Variants in ASTN2 observed in about 807,000 individuals in gnomAD.
ASTN2 encodes the protein astrotactin-2.
In ASTN2, 54 loss-of-function variants were observed where a neutral mutation model predicts 139.8. That is an observed-to-expected ratio of 0.39 (90% CI 0.31 to 0.48). The LOEUF (loss-of-function observed/expected upper bound fraction) is 0.48. Ranked by LOEUF, ASTN2 falls within the 20% of genes least tolerant of loss-of-function variation. The pLI, the probability that ASTN2 is intolerant of heterozygous loss-of-function variation, is 0.95. For missense variants in ASTN2, 1,565 were observed against 1,725.1 expected, an observed-to-expected ratio of 0.91 and a Z score of 1.64; for synonymous variants, 756 against 719.5, an observed-to-expected ratio of 1.05 and a Z score of -0.81.
chr9:117,133,531 T>C (rs1829872907), intron 4 of ASTN2, among the ~76,000 whole-genome samples: 1 of 152,182 alleles, frequency 6.6e-6, no homozygotes, highest in Non-Finnish European at 1.5e-5. Flanking sequence ...TAATTGTCCA[T>C]TAATTCATCA....
At chr9:116,883,811 T>C (rs912932365) in intron 10 of ASTN2, among the ~76,000 whole-genome samples, 5 of 152,204 alleles carry the variant, frequency 3.3e-5, no homozygotes, top group Non-Finnish European at 7.3e-5. Flanking sequence ...ATGGCATAAA[T>C]AGAACTACCA....
intron 10 of ASTN2, among the ~76,000 whole-genome samples, chr9:116,953,746 C>A (rs1835632073): frequency 6.6e-6 from 1 of 152,194 alleles, no homozygotes; most frequent in South Asian, 2.1e-4. Flanking sequence ...TGGTTTAAAG[C>A]CTCAACAGTG....
chr9:117,131,497 T>C (rs761654418), intron 4 of ASTN2, among the ~76,000 whole-genome samples: 6 of 152,174 alleles, frequency 3.9e-5, no homozygotes, highest in Non-Finnish European at 8.8e-5. Context: ...TGGGGAAAAT[T>C]TGCATCTGTA....
intron 12 of ASTN2, among the ~76,000 whole-genome samples, chr9:116,818,011 A>T (rs901517199): frequency 6.6e-6 from 1 of 151,724 alleles, no homozygotes; most frequent in Non-Finnish European, 1.5e-5. Context: ...CACTTACCAG[A>T]TATGTGACCT....
chr9:117,240,951 G>C (rs1010815416), intron 2 of ASTN2, among the ~76,000 whole-genome samples: 1 of 152,154 alleles, frequency 6.6e-6, no homozygotes, highest in Non-Finnish European at 1.5e-5. Flanking sequence ...GACTGTCTGA[G>C]TCCTGAGGTT....
intron 13 of ASTN2, among the ~76,000 whole-genome samples, chr9:116,766,540 CAAACACATGCATTCATACT>C (rs1422351965): frequency 6.6e-6 from 1 of 151,664 alleles, no homozygotes. Context: ...CTCACATACA[CAAACACATGCATTCATACT>C]AATCACATGC....
chr9:117,296,061 C>T (rs1007736091), intron 1 of ASTN2, among the ~76,000 whole-genome samples: 7 of 151,702 alleles, frequency 4.6e-5, no homozygotes, highest in African/African-American at 7.3e-5. Context: ...GGGCGGATCA[C>T]GAGGTCAAGA....
intron 1 of ASTN2, among the ~76,000 whole-genome samples, chr9:117,324,653 C>A (rs964076960): frequency 7.2e-5 from 11 of 152,110 alleles, no homozygotes; most frequent in Admixed American, 2.0e-4. Flanking sequence ...CAAACCATAT[C>A]ATGGATCCTT....
At chr9:117,020,292 A>C (rs1705462610) in intron 6 of ASTN2, among the ~76,000 whole-genome samples, 1 of 152,044 alleles carries the variant, frequency 6.6e-6, no homozygotes, top group African/African-American at 2.4e-5. Context: ...GGTAGAATAT[A>C]TACAAATTGT....
intron 5 of ASTN2, among the ~76,000 whole-genome samples, chr9:117,095,141 G>A (rs574708502): frequency 6.6e-6 from 1 of 152,186 alleles, no homozygotes; most frequent in South Asian, 2.1e-4. Context: ...TTTTCAGTGG[G>A]TGGGTAAAGC....
At chr9:116,705,151 T>TA in intron 16 of ASTN2, among the ~76,000 whole-genome samples, 1 of 152,202 alleles carries the variant, frequency 6.6e-6, no homozygotes, top group East Asian at 1.9e-4. Context: ...CCTCAATTAT[T>TA]AGCTCTATGA....
chr9:116,736,353 T>C (rs1828924705), intron 13 of ASTN2, among the ~76,000 whole-genome samples: 1 of 152,206 alleles, frequency 6.6e-6, no homozygotes, highest in African/African-American at 2.4e-5. Flanking sequence ...GGTTAATATT[T>C]ATTGTATGCC....
intron 4 of ASTN2, among the ~76,000 whole-genome samples, chr9:117,108,436 A>AC (rs760179816): frequency 3.3e-5 from 1 of 30,694 alleles, no homozygotes; most frequent in Non-Finnish European, 1.1e-4. Flanking sequence ...AAAACAAAAC[A>AC]AAACACACAC....
At chr9:117,406,323 G>A (rs568901123) in intron 1 of ASTN2, among the ~76,000 whole-genome samples, 2 of 152,322 alleles carry the variant, frequency 1.3e-5, no homozygotes, top group East Asian at 1.9e-4. Context: ...ACAGAGCAGC[G>A]TAGGGAATTC....
intron 19 of ASTN2, among the ~76,000 whole-genome samples, chr9:116,603,919 G>T (rs1855048731): frequency 6.6e-6 from 1 of 152,126 alleles, no homozygotes; most frequent in African/African-American, 2.4e-5. Context: ...TGTATGAGAG[G>T]TTGATCCATA....
At chr9:117,041,248 C>T (rs1021688541) in intron 5 of ASTN2, among the ~76,000 whole-genome samples, 2 of 152,042 alleles carry the variant, frequency 1.3e-5, no homozygotes, top group African/African-American at 4.8e-5. Flanking sequence ...GCAATGCCTC[C>T]ACAATTTTTT....
intron 19 of ASTN2, among the ~76,000 whole-genome samples, chr9:116,574,913 A>C (rs1853663855): frequency 6.6e-6 from 1 of 152,164 alleles, no homozygotes; most frequent in South Asian, 2.1e-4. Flanking sequence ...CATTCAATGA[A>C]AGACAATGTA....
intron 2 of ASTN2, among the ~76,000 whole-genome samples, chr9:117,287,526 A>T (rs1289846156): frequency 2.0e-5 from 3 of 152,212 alleles, no homozygotes; most frequent in Non-Finnish European, 4.4e-5. Flanking sequence ...TGTGTGATCA[A>T]TGTCACGTAG....
chr9:116,992,528 G>T (rs914794692), intron 7 of ASTN2, among the ~76,000 whole-genome samples: 2 of 152,128 alleles, frequency 1.3e-5, no homozygotes, highest in Admixed American at 1.3e-4. Flanking sequence ...TTTGCCTGAG[G>T]TGCCTCATTC....
Sources: gnomAD v4.1 joint callset for allele counts (sites outside exome capture counted in the v4.1 genomes callset) on GRCh38, gnomAD v4.1.1 for gene constraint, MANE v1.5 for transcripts, NCBI Gene and HGNC (gene_info 2026-07-23, HGNC 2026-07-21) for gene names.